Variants in CCDC12 observed in about 807,000 individuals in gnomAD.
CCDC12 encodes coiled-coil domain-containing protein 12.
Under a neutral mutation model 25.7 loss-of-function variants are expected in CCDC12, and 28 were observed. The ratio of observed to expected loss-of-function variants is 1.09; its 90% confidence interval spans 0.81 to 1.50. The LOEUF is 1.50. Ranked by LOEUF, CCDC12 falls within the 40% of genes most tolerant of loss-of-function variation. The pLI is 0.00. For synonymous variants in CCDC12, 75 were observed against 87.7 expected (o/e 0.86, Z 0.81); for missense variants, 198 against 210.0 (o/e 0.94, Z 0.35).
At chr3:46,959,698 T>TG (rs2034407332) in intron 1 of CCDC12, among the ~76,000 whole-genome samples, 1 of 152,134 alleles carries the variant, frequency 6.6e-6, no homozygotes, top group Non-Finnish European at 1.5e-5. Flanking sequence ...CTAGCCAGTG[T>TG]GGGGGGACAG....
At chr3:46,948,258 G>A (rs554447174) in intron 1 of CCDC12, among the ~76,000 whole-genome samples, 3 of 152,326 alleles carry the variant, frequency 2.0e-5, no homozygotes, top group Non-Finnish European at 2.9e-5. Context: ...CCATCCAAGA[G>A]GCTGGGATTA....
intron 1 of CCDC12, among the ~76,000 whole-genome samples, chr3:46,972,180 G>A (rs981013878): frequency 6.6e-6 from 1 of 152,310 alleles, no homozygotes; most frequent in Non-Finnish European, 1.5e-5. Flanking sequence ...CAGCAAATGA[G>A]ACTATCCACC....
intron 1 of CCDC12, among the ~76,000 whole-genome samples, chr3:46,966,687 G>A (rs1050402179): frequency 6.6e-6 from 1 of 152,100 alleles, no homozygotes; most frequent in Non-Finnish European, 1.5e-5. Flanking sequence ...ACCCTCCTGA[G>A]AGGAGGGATG....
At chr3:46,923,782 ACC>A in intron 3 of CCDC12, 114 bp from the exon 4 acceptor site, 4 of 882,304 alleles carry the variant, frequency 4.5e-6, no homozygotes, top group Non-Finnish European at 6.4e-6. Context: ...CCTTGCTCCC[ACC>A]TCTGTGTGGC....
intron 1 of CCDC12, among the ~76,000 whole-genome samples, chr3:46,945,852 T>C (rs989301650): frequency 6.6e-6 from 1 of 152,218 alleles, no homozygotes. Context: ...TTCACTGATA[T>C]TGATAATTTG....
At chr3:46,942,197 T>C (rs1293912137) in intron 1 of CCDC12, among the ~76,000 whole-genome samples, 1 of 152,266 alleles carries the variant, frequency 6.6e-6, no homozygotes, top group Non-Finnish European at 1.5e-5. Flanking sequence ...TAGGTCAGCC[T>C]GCCTGTGGAC....
intron 1 of CCDC12, among the ~76,000 whole-genome samples, chr3:46,973,850 G>C (rs572300459): frequency 2.0e-5 from 3 of 152,144 alleles, no homozygotes; most frequent in South Asian, 4.1e-4. Context: ...CTGACTTCGT[G>C]ATCTGCCCAC....
chr3:46,955,185 C>G (rs1424224131), intron 1 of CCDC12, among the ~76,000 whole-genome samples: 1 of 147,906 alleles, frequency 6.8e-6, no homozygotes, highest in African/African-American at 2.5e-5. Context: ...TTTAAATAAA[C>G]TCTTGGACTT....
intron 2 of CCDC12, among the ~76,000 whole-genome samples, chr3:46,935,597 T>C (rs2033412222): frequency 6.6e-6 from 1 of 151,988 alleles, no homozygotes. Flanking sequence ...GCACATCTTA[T>C]CTGGGCAGTA....
intron 2 of CCDC12, among the ~76,000 whole-genome samples, chr3:46,939,246 C>T (rs1383228318): frequency 6.6e-6 from 1 of 152,172 alleles, no homozygotes; most frequent in Non-Finnish European, 1.5e-5. Context: ...TTTTTTCCTT[C>T]ACTCAACACC....
At chr3:46,974,309 C>A (rs1234671445) in intron 1 of CCDC12, among the ~76,000 whole-genome samples, 2 of 152,162 alleles carry the variant, frequency 1.3e-5, no homozygotes, top group Non-Finnish European at 1.5e-5. Flanking sequence ...TATTTTCCCA[C>A]AATTTTAAAA....
At chr3:46,948,755 C>G (rs1484858678) in intron 1 of CCDC12, among the ~76,000 whole-genome samples, 1 of 152,256 alleles carries the variant, frequency 6.6e-6, no homozygotes, top group Non-Finnish European at 1.5e-5. Flanking sequence ...AGTGCAGCTC[C>G]TCGCCAGGCC....
chr3:46,931,224 T>C (rs1468041679), intron 2 of CCDC12, among the ~76,000 whole-genome samples: 5 of 152,176 alleles, frequency 3.3e-5, no homozygotes, highest in African/African-American at 9.7e-5. Context: ...GCTGACCTTT[T>C]CTATTTACTT....
rs575015112 is a variant in CCDC12 at position 46,922,049 on chromosome 3, G to A, written c.*8C>T. The A allele has an allele frequency of 7.2e-5, 116 of 1,613,608 alleles. No individual in the cohort carries two copies. In the South Asian group the frequency reaches 1.2e-3, roughly 17 times the overall value. On this transcript the variant is annotated 3_prime_UTR_variant, in exon 7 of 7. Coordinates refer to ENST00000683445, the MANE Select transcript of CCDC12 (RefSeq NM_001277074.2). ...GCCTGATGGGCGAGTGGTGGGGCAG[G>A]GCATGCCTCAGTCGGAGTCACAGGT...
At chr3:46,969,063 G>T (rs1278908883) in intron 1 of CCDC12, among the ~76,000 whole-genome samples, 1 of 152,162 alleles carries the variant, frequency 6.6e-6, no homozygotes, top group African/African-American at 2.4e-5. Flanking sequence ...TGGCCACATG[G>T]GATGTAGATA....
At chr3:46,952,896 C>T (rs1055278829) in intron 1 of CCDC12, among the ~76,000 whole-genome samples, 2 of 152,196 alleles carry the variant, frequency 1.3e-5, no homozygotes, top group Non-Finnish European at 2.9e-5. Flanking sequence ...GTTGCCAGGA[C>T]GCAAATGGCA....
intron 1 of CCDC12, among the ~76,000 whole-genome samples, chr3:46,948,254 A>G (rs1392829916): frequency 6.6e-6 from 1 of 152,224 alleles, no homozygotes; most frequent in Non-Finnish European, 1.5e-5. Context: ...ACTACCATCC[A>G]AGAGGCTGGG....
chr3:46,943,163 G>C (rs558235687), intron 1 of CCDC12, among the ~76,000 whole-genome samples: 1 of 152,312 alleles, frequency 6.6e-6, no homozygotes, highest in African/African-American at 2.4e-5. Context: ...AGGGAGAACA[G>C]AGTATAAATG....
At chr3:46,959,536 C>T (rs889540796) in intron 1 of CCDC12, among the ~76,000 whole-genome samples, 2 of 152,168 alleles carry the variant, frequency 1.3e-5, no homozygotes, top group Non-Finnish European at 2.9e-5. Flanking sequence ...ATAACAGATC[C>T]CCACATTCAT....
Sources: allele counts gnomAD v4.1 joint callset (sites outside exome capture counted in the v4.1 genomes callset), GRCh38; gene constraint gnomAD v4.1.1; transcripts MANE v1.5; gene names NCBI Gene and HGNC (gene_info 2026-07-23, HGNC 2026-07-21).